Variants in ZSWIM4 observed in about 807,000 individuals in gnomAD.
ZSWIM4 encodes zinc finger SWIM domain-containing protein 4.
ZSWIM4 carries 62 observed loss-of-function variants against 102.5 expected under a neutral mutation model. That is an observed-to-expected ratio of 0.60 (90% confidence interval 0.49 to 0.75). ZSWIM4 has a LOEUF of 0.75. Ranked by LOEUF, ZSWIM4 falls within the 30% of genes least tolerant of loss-of-function variation. The pLI is 0.00. For synonymous variants in ZSWIM4, 652 were observed against 674.5 expected (o/e 0.97, Z 0.52); for missense variants, 1,280 against 1,529.6 (o/e 0.84, Z 2.72).
At chr19:13,828,548 C>A in intron 12 of ZSWIM4, 97 bp from the exon 13 acceptor site, 1 of 1,036,594 alleles carries the variant, frequency 9.6e-7, no homozygotes, top group Non-Finnish European at 1.5e-6. Flanking sequence ...TCAGCTTTAA[C>A]CTCCAAGTGT....
At position 13,809,050 on chromosome 19, in the gene ZSWIM4, C is replaced by T. The variant is rs781582054; in HGVS notation, c.862-20C>T. Reference sequence around the variant, plus strand: ...CGGCGGACGCCCCAGCCCTTCCTCACCACCCTGTCCCCGGCACAGGTGCGG... The same window carrying T: ...CGGCGGACGCCCCAGCCCTTCCTCATCACCCTGTCCCCGGCACAGGTGCGG... On this transcript the variant is annotated intron_variant, in intron 4 of 13. Coordinates refer to ENST00000590508, the MANE Select transcript of ZSWIM4 (RefSeq NM_001367834.3). The surrounding 1 kb of genome is among the most constrained non-coding windows in gnomAD (Gnocchi z 4.2). 3 of 1,609,034 alleles carry T rather than the reference C, an allele frequency of 1.9e-6. No homozygotes were observed. The highest frequency in any genetic ancestry group is 2.6e-6 in the Non-Finnish European group (3 of 1,176,404).
chr19:13,809,234 C>T lies in ZSWIM4; in HGVS notation c.1012+14C>T, dbSNP rs761058279. On this transcript the variant is annotated intron_variant, in intron 5 of 13. Coordinates refer to ENST00000590508, the MANE Select transcript of ZSWIM4 (RefSeq NM_001367834.3). This position sits in a 1 kb window ranked among gnomAD's most constrained non-coding sequence, Gnocchi z 4.2. ...GGGATGAGCTGGGTGAGGCCCAAAC[C>T]CCGGTGCGTGGTGGACACCGGGACT... The T allele has an allele frequency of 2.5e-6, 4 of 1,588,370 alleles. No individual in the cohort carries two copies. The highest frequency in any genetic ancestry group is 3.4e-6 in the Non-Finnish European group (4 of 1,167,070).
chr19:13,812,823 A>G (rs962244338), intron 5 of ZSWIM4, among the ~76,000 whole-genome samples, 174 bp from the exon 6 acceptor site: 7 of 151,930 alleles, frequency 4.6e-5, no homozygotes, highest in African/African-American at 1.7e-4. Flanking sequence ...AAGCCGTGTT[A>G]TGTCTCTGTG....
chr19:13,817,468 C>T, intron 8 of ZSWIM4, 115 bp downstream of exon 8: 3 of 1,350,254 alleles, frequency 2.2e-6, no homozygotes, highest in Non-Finnish European at 3.0e-6. Flanking sequence ...GGCCACGCCC[C>T]TACCCTTGGC....
At position 13,795,444 on chromosome 19, in the gene ZSWIM4, T is replaced by G; in HGVS notation, c.-205T>G. 2.0e-4 allele frequency: 38 copies of G among 187,028 alleles called. No individual in the cohort carries two copies. The highest frequency in any genetic ancestry group is 3.0e-4 in the East Asian group (2 of 6,742). The allele number at this position is 187,028 out of a possible 1,614,324, so 11.6% of individuals were successfully genotyped here. ...TAAAGCGGCGGCTGAAGCAGCTTCA[T>G]TGTTGTGAAGAGTCTTAAAGGGGCC... On this transcript the variant is annotated 5_prime_UTR_variant, in exon 1 of 14. Transcript: ENST00000590508.
At chr19:13,810,909 CTTTTTTTTTTTTT>C (rs58776366) in intron 5 of ZSWIM4, among the ~76,000 whole-genome samples, 1 of 94,120 alleles carries the variant, frequency 1.1e-5, no homozygotes, top group Non-Finnish European at 2.1e-5. Flanking sequence ...CACGCCCAGC[CTTTTTTTTTTTTT>C]TTTTTTTTTG....
rs1014914295 is a variant in ZSWIM4, at chr19:13,814,564, A to G, written c.1230A>G (p.Val410=). The stretch of plus-strand genomic sequence containing the variant: ...CAGCCACAAGTCCCCGCCACACGGT[A>G]TTTGGCCGCGCCTTGCTGGCTGGAG... ...EVAATSPRHT[V]FGRALLAGEL... Residue 410 remains valine, a synonymous_variant, in exon 7 of 14, where the codon GTA becomes GTG. Transcript: ENST00000590508. The G allele has an allele frequency of 2.5e-6, 3 of 1,179,310 alleles. No homozygotes were observed. Among genetic ancestry groups the G allele is most frequent in the African/African-American group, 3.2e-5 (2 of 62,790 alleles). The allele number at this position is 1,179,310 out of a possible 1,614,324, so 73.1% of individuals were successfully genotyped here.
rs781690262 is a variant in ZSWIM4, at chr19:13,830,660, C to A, written c.2931C>A (p.His977Gln). 3 of 1,602,936 alleles carry A rather than the reference C, an allele frequency of 1.9e-6. No individual in the cohort carries two copies. The South Asian group carries it at 3.3e-5, about 18-fold the overall frequency. ...CTCTCAGCCACTCCCTGGGCCGGCA[C>A]GAGCTCTCTGCCATCGTCCCCCTCA... Reference protein sequence around the residue: ...ACSLSHSLGRHELSAIVPLII... With the variant: ...ACSLSHSLGRQELSAIVPLII... The change falls in exon 14 of 14, where the codon CAC becomes CAA. Residue 977 changes from histidine (H) to glutamine (Q), a missense_variant. His to Gln is a conservative substitution (Grantham distance 24). Transcript: ENST00000590508.
chr19:13,797,949 AC>A (rs1431964963), intron 1 of ZSWIM4, among the ~76,000 whole-genome samples: 1 of 152,070 alleles, frequency 6.6e-6, no homozygotes, highest in Non-Finnish European at 1.5e-5. Flanking sequence ...GAGCCACCGC[AC>A]CCGGACGTAT....
chr19:13,808,922 C>G lies in ZSWIM4; in HGVS notation c.799C>G (p.Gln267Glu), dbSNP rs1319345819. The change falls in exon 4 of 14, where the codon CAG becomes GAG. Residue 267 changes from glutamine to glutamate, a missense_variant. Gln to Glu is a conservative substitution (Grantham distance 29, BLOSUM62 2). Transcript: ENST00000590508. ...GGAGCAGATCCAGGAGCAGGTGAAGCAGCTACTGTCCAATGGCGGCTACTA... is the reference window on the plus strand; with the variant it reads ...GGAGCAGATCCAGGAGCAGGTGAAGGAGCTACTGTCCAATGGCGGCTACTA... ...DEEQIQEQVK[Q>E]LLSNGGYYGA... The G allele has an allele frequency of 6.2e-7, 1 of 1,610,082 alleles. No individual in the cohort carries two copies. The highest frequency in any genetic ancestry group is 1.1e-5 in the South Asian group (1 of 90,522).
chr19:13,801,671 CTT>C (rs755133549), intron 2 of ZSWIM4, among the ~76,000 whole-genome samples: 4 of 125,466 alleles, frequency 3.2e-5, no homozygotes, highest in Middle Eastern at 4.0e-3. Flanking sequence ...GTTTAGAATT[CTT>C]TTTTTTTTTT....
chr19:13,808,422 T>C (rs112725673), intron 3 of ZSWIM4, among the ~76,000 whole-genome samples: 2,729 of 151,886 alleles, frequency 0.018, 76 homozygotes, highest in African/African-American at 0.063. Flanking sequence ...AACTTTAGAC[T>C]GGGTTGGGTG....
chr19:13,799,649 C>T (rs980195510), intron 1 of ZSWIM4, 71 bp from the exon 2 acceptor site: 2 of 1,475,270 alleles, frequency 1.4e-6, no homozygotes, highest in African/African-American at 1.4e-5. Flanking sequence ...AAGCGATCCT[C>T]CCTCCTAAGC....
At chr19:13,814,435 A>T in intron 6 of ZSWIM4, 80 bp from the exon 7 acceptor site, 1 of 790,544 alleles carries the variant, frequency 1.3e-6, no homozygotes, top group Non-Finnish European at 1.6e-6. Flanking sequence ...CCCAGTTAGT[A>T]CTTGGTGGGA....
At chr19:13,819,254 AG>A (rs993740864) in intron 9 of ZSWIM4, 102 bp from the exon 10 acceptor site, 4 of 1,506,656 alleles carry the variant, frequency 2.7e-6, no homozygotes, top group Admixed American at 2.1e-5. Flanking sequence ...CACTCTACCC[AG>A]GGGCCAGCCC....
At position 13,830,995 on chromosome 19, in the gene ZSWIM4, A is replaced by G; in HGVS notation, c.3266A>G (p.Gln1089Arg). 1 of 1,611,674 alleles carries G rather than the reference A, an allele frequency of 6.2e-7. No homozygotes were observed. The highest frequency in any genetic ancestry group is 8.5e-7 in the Non-Finnish European group (1 of 1,179,192). ...TCACAGTTCTTGGAGAACCTCAAACAGACCTACAAGGGCAAGAAGAAACTC... is the reference window on the plus strand; with the variant it reads ...TCACAGTTCTTGGAGAACCTCAAACGGACCTACAAGGGCAAGAAGAAACTC... The part of the protein sequence containing the change: ...QFSQFLENLK[Q>R]TYKGKKKLML... The change falls in exon 14 of 14, where the codon CAG (glutamine) becomes CGG (arginine). Residue 1089 changes from glutamine (Q) to arginine (R), a missense_variant. Coordinates refer to ENST00000590508, the MANE Select transcript of ZSWIM4 (RefSeq NM_001367834.3).
At chr19:13,821,431 G>T (rs1975459074) in intron 10 of ZSWIM4, among the ~76,000 whole-genome samples, 1 of 152,154 alleles carries the variant, frequency 6.6e-6, no homozygotes, top group Admixed American at 6.6e-5. Context: ...CTACTTGGGA[G>T]GCTGAGGAGG....
At chr19:13,816,015 A>G (rs1381034487) in intron 7 of ZSWIM4, among the ~76,000 whole-genome samples, 2 of 119,706 alleles carry the variant, frequency 1.7e-5, no homozygotes, top group East Asian at 2.6e-4. Context: ...AGAGGTGGGG[A>G]GGGAGGGACA....
Position 13,818,448 on chromosome 19 carries a change from G to A in ZSWIM4, c.1924+472G>A, listed in dbSNP as rs1040303411. On this transcript the variant is annotated intron_variant, in intron 9 of 13. Coordinates refer to ENST00000590508, the MANE Select transcript of ZSWIM4 (RefSeq NM_001367834.3). ...GCTATCGGACTTGCTGGTCTTGGCC[G>A]CTGGTCCCGTTCCCCAAGGCAGGTG... Among the ~76,000 whole-genome samples, 5 of 152,114 alleles carry A rather than the reference G, an allele frequency of 3.3e-5. No homozygotes were observed. In the South Asian group the frequency reaches 6.2e-4, roughly 19 times the overall value.
Sources: gnomAD v4.1 joint callset for allele counts (sites outside exome capture counted in the v4.1 genomes callset) on GRCh38, gnomAD v4.1.1 for gene constraint, Gnocchi (gnomAD v3.1) non-coding constraint, MANE v1.5 for transcripts, NCBI Gene and HGNC (gene_info 2026-07-23, HGNC 2026-07-21) for gene names.